Variants in FARP1 observed in about 807,000 individuals in gnomAD.
FARP1 encodes the protein FERM, ARHGEF and pleckstrin domain-containing protein 1.
In FARP1, 52 loss-of-function variants were observed where a neutral mutation model predicts 128.8. That is an observed-to-expected ratio of 0.40 (90% CI 0.32 to 0.51). The LOEUF is 0.51. Ranked by LOEUF, FARP1 falls within the 20% of genes least tolerant of loss-of-function variation. The pLI is 0.45. For synonymous variants in FARP1, 580 were observed against 551.8 expected, an observed-to-expected ratio of 1.05 and a Z score of -0.72; for missense variants, 1,333 against 1,367.9, an observed-to-expected ratio of 0.97 and a Z score of 0.40.
In FARP1 at chr13:98,395,860, A is replaced by G. The variant is rs554479398; in HGVS notation, c.1414+384A>G. On this transcript the variant is annotated intron_variant, in intron 13 of 26. Transcript: ENST00000319562. ...CTCGGCTGGTCACAGCCCCCTGGCC[A>G]CCCCATTGTCTCCCAGCAGCAGCAG... 28 of 400,350 alleles carry G rather than the reference A, an allele frequency of 7.0e-5. 1 individual carries two copies. The South Asian group carries it at 3.0e-3, about 43-fold the overall frequency. 24.8% of individuals were successfully genotyped at this position (400,350 alleles called of 1,614,324 possible). A position where few individuals can be genotyped will look rare whatever the true frequency, so the allele number is the denominator to read the frequency against.
At chr13:98,365,466 A>G (rs760758887) in intron 4 of FARP1, 29 bp downstream of exon 4, 1 of 1,518,996 alleles carries the variant, frequency 6.6e-7, no homozygotes, top group East Asian at 2.3e-5. Flanking sequence ...TTTAATAGTG[A>G]TGTGAAATCT....
chr13:98,275,754 G>A (rs1398709355), intron 2 of FARP1, among the ~76,000 whole-genome samples: 2 of 151,810 alleles, frequency 1.3e-5, no homozygotes, highest in Non-Finnish European at 2.9e-5. Flanking sequence ...TTTCAGGCAT[G>A]AGAAGAGAAT....
rs1032060809 is a variant in FARP1, at chr13:98,324,614, C to T, written c.172-19148C>T. On this transcript the variant is annotated intron_variant, in intron 2 of 26. Transcript: ENST00000319562. Reference sequence around the variant, plus strand: ...GTTTACTATTTTCAGAAAAAAAAGGCGATGTACTCACTGGTCTATTTTCTG... The same window carrying T: ...GTTTACTATTTTCAGAAAAAAAAGGTGATGTACTCACTGGTCTATTTTCTG... Among the ~76,000 whole-genome samples, 36 of 152,184 alleles carry T rather than the reference C, an allele frequency of 2.4e-4. 2 individuals are homozygous for T. Among genetic ancestry groups the T allele is most frequent in the Non-Finnish European group, 1.3e-4 (9 of 68,038 alleles).
chr13:98,372,789 C>T (rs1889406498), intron 5 of FARP1, among the ~76,000 whole-genome samples: 1 of 152,164 alleles, frequency 6.6e-6, no homozygotes, highest in African/African-American at 2.4e-5. Flanking sequence ...GGTGGACTCT[C>T]CTCACGTCCA....
chr13:98,368,867 C>G (rs1566924432), intron 5 of FARP1, among the ~76,000 whole-genome samples: 1 of 151,918 alleles, frequency 6.6e-6, no homozygotes, highest in Non-Finnish European at 1.5e-5. Flanking sequence ...TCGTCACCAT[C>G]ATCATCACCA....
At chr13:98,180,693 T>C (rs77270870) in intron 1 of FARP1, among the ~76,000 whole-genome samples, 4,936 of 152,296 alleles carry the variant, frequency 0.032, 258 homozygotes, top group African/African-American at 0.11. Flanking sequence ...CTCTGGTGTC[T>C]CTTTCTTCTG....
At chr13:98,303,532 T>TAA (rs1434329008) in intron 2 of FARP1, among the ~76,000 whole-genome samples, 1 of 152,228 alleles carries the variant, frequency 6.6e-6, no homozygotes, top group African/African-American at 2.4e-5. Flanking sequence ...AACATGTTCA[T>TAA]AAATGATGCT....
At chr13:98,436,756 G>A (rs1430443822) in intron 19 of FARP1, among the ~76,000 whole-genome samples, 1 of 152,206 alleles carries the variant, frequency 6.6e-6, no homozygotes, top group African/African-American at 2.4e-5. Context: ...CTGGTGACAA[G>A]ATCCTGCCAG....
intron 2 of FARP1, among the ~76,000 whole-genome samples, chr13:98,291,531 C>T (rs1450970350): frequency 6.6e-6 from 1 of 152,192 alleles, no homozygotes; most frequent in Non-Finnish European, 1.5e-5. Context: ...ATCATTCGTT[C>T]AGCAGAACTT....
At chr13:98,313,242 TACAC>T (rs71111943) in intron 2 of FARP1, among the ~76,000 whole-genome samples, 6,719 of 119,958 alleles carry the variant, frequency 0.056, 224 homozygotes, top group Middle Eastern at 0.12. Context: ...TGGGTCATAA[TACAC>T]ACACACACAC....
chr13:98,259,480 C>T (rs147331814), intron 2 of FARP1, among the ~76,000 whole-genome samples: 232 of 152,130 alleles, frequency 1.5e-3, no homozygotes, highest in African/African-American at 5.4e-3. Context: ...TCACATGTCC[C>T]TGTGTTGGGC....
intron 2 of FARP1, among the ~76,000 whole-genome samples, chr13:98,287,109 A>C (rs1290860001): frequency 6.6e-6 from 1 of 151,736 alleles, no homozygotes; most frequent in Non-Finnish European, 1.5e-5. Flanking sequence ...CAGATACAAA[A>C]TGTTCGCTTT....
intron 2 of FARP1, among the ~76,000 whole-genome samples, chr13:98,281,871 C>T (rs895582587): frequency 7.9e-5 from 12 of 152,174 alleles, no homozygotes; most frequent in African/African-American, 2.7e-4. Context: ...TTGGAGGGCA[C>T]GCATCTTACT....
rs1892453921 is a variant in FARP1 at position 98,439,969 on chromosome 13, G to A, written c.2442G>A (p.Glu814=). The A allele has an allele frequency of 4.4e-6, 7 of 1,577,672 alleles. No individual in the cohort carries two copies. The highest frequency in any genetic ancestry group is 2.7e-5 in the African/African-American group (2 of 74,188). The change falls in exon 22 of 27, where the codon GAG becomes GAA. Residue 814 remains glutamate (E), a synonymous_variant. Transcript: ENST00000319562. ...QLPLYGMTIE[E]SEDEWGVPHC... ...TCTTCTCTTGCCCACAGATTGAGGA[G>A]AGCGAAGACGAGTGGGGGGTGCCCC... is the stretch of plus-strand genomic sequence containing the variant.
chr13:98,377,147 A>G (rs1889620801), intron 5 of FARP1, among the ~76,000 whole-genome samples: 2 of 151,778 alleles, frequency 1.3e-5, no homozygotes, highest in Admixed American at 6.6e-5. Flanking sequence ...CTAAAAATAC[A>G]AAAAATTAGC....
chr13:98,451,369 T>C lies in FARP1; in HGVS notation c.*3052T>C, dbSNP rs1457308909. 1 of 152,218 alleles carries C rather than the reference T, an allele frequency of 6.6e-6. No homozygotes were observed. Among genetic ancestry groups the C allele is most frequent in the Non-Finnish European group, 1.5e-5 (1 of 68,044 alleles). The allele number at this position is 152,218 out of a possible 1,614,324, so 9.4% of individuals were successfully genotyped here. ...AATGAAATCTTCTCCAATTTTATTATTCAACATAACATTCTTGTATGGAGT... is the reference window on the plus strand; with the variant it reads ...AATGAAATCTTCTCCAATTTTATTACTCAACATAACATTCTTGTATGGAGT... On this transcript the variant is annotated 3_prime_UTR_variant, in exon 27 of 27. Coordinates refer to ENST00000319562, the MANE Select transcript of FARP1 (RefSeq NM_005766.4).
chr13:98,343,976 T>G, intron 3 of FARP1, 110 bp downstream of exon 3: 1 of 764,410 alleles, frequency 1.3e-6, no homozygotes, highest in South Asian at 1.5e-5. Context: ...ATGCTGTCTG[T>G]TTTGTCTGTG....
intron 25 of FARP1, 35 bp downstream of exon 25, chr13:98,446,240 C>T (rs1392473472): frequency 2.1e-6 from 3 of 1,438,294 alleles, no homozygotes; most frequent in South Asian, 1.2e-5. Context: ...GGCCCTGGGA[C>T]CTTGGGGGTG....
rs536389068 is a variant in FARP1 at position 98,441,881 on chromosome 13, C to T, written c.2796+1045C>T. ...TCTGAGCCCACCACCTGAAAGTTGG[C>T]TTTGAAGATGCATCTCTCCCAGATC... is the stretch of plus-strand genomic sequence containing the variant. On this transcript the variant is annotated intron_variant, in intron 24 of 26. Coordinates refer to ENST00000319562, the MANE Select transcript of FARP1 (RefSeq NM_005766.4). Among the ~76,000 whole-genome samples the T allele has an allele frequency of 4.3e-4, 65 of 152,288 alleles. No homozygotes were observed. The Middle Eastern group carries it at 0.014, about 32-fold the overall frequency.
Sources: gnomAD v4.1 joint callset for allele counts (sites outside exome capture counted in the v4.1 genomes callset) on GRCh38, gnomAD v4.1.1 for gene constraint, MANE v1.5 for transcripts, NCBI Gene and HGNC (gene_info 2026-07-23, HGNC 2026-07-21) for gene names.